TXNRD1: variants seen among roughly 807,000 people sequenced by gnomAD.
TXNRD1 encodes thioredoxin reductase 1, cytoplasmic.
In TXNRD1, 57 loss-of-function variants were observed where a neutral mutation model predicts 80.3. That is an observed-to-expected ratio of 0.71 (90% confidence interval 0.57 to 0.89). The LOEUF (loss-of-function observed/expected upper bound fraction) is 0.89, where lower values mean the gene tolerates loss of function less well. Among genes scored for constraint, TXNRD1 ranks in the 40% least tolerant of loss-of-function variants. TXNRD1 has a pLI of 0.00. For synonymous variants in TXNRD1, 291 were observed against 285.2 expected (o/e 1.02, Z -0.20); for missense variants, 730 against 803.0 (o/e 0.91, Z 1.10).
intron 1 of TXNRD1, among the ~76,000 whole-genome samples, chr12:104,248,369 C>T (rs959311600): frequency 6.6e-6 from 1 of 152,164 alleles, no homozygotes. Flanking sequence ...ACTGCAACCT[C>T]CACCTCCTGG....
chr12:104,288,793 T>A, intron 3 of TXNRD1, 138 bp from the exon 4 acceptor site: 1 of 1,574,354 alleles, frequency 6.4e-7, no homozygotes, highest in Non-Finnish European at 8.6e-7. Context: ...CAGCAAGTCA[T>A]GCTAACTTGC....
intron 2 of TXNRD1, among the ~76,000 whole-genome samples, chr12:104,256,034 T>C (rs532938219): frequency 1.9e-4 from 29 of 152,352 alleles, no homozygotes; most frequent in African/African-American, 6.5e-4. Flanking sequence ...ACAACTCATA[T>C]ACTTAGCTGT....
Position 104,327,578 on chromosome 12 carries a change from C to A in TXNRD1, c.1449C>A (p.Gly483=), listed in dbSNP as rs370716168. 32 of 1,613,152 alleles carry A rather than the reference C, an allele frequency of 2.0e-5. No homozygotes were observed. The highest frequency in any genetic ancestry group is 2.6e-5 in the Non-Finnish European group (31 of 1,179,736). The part of the protein sequence containing the change: ...QTNVPYIYAI[G]DILEDKVELT... ...ATGTGCCTTACATCTATGCCATTGG[C>A]GATATATTGGAGGATAAGGTGGAGC... is the stretch of plus-strand genomic sequence containing the variant. The change falls in exon 13 of 17, where the codon GGC becomes GGA. Residue 483 remains glycine, a synonymous_variant. Transcript: ENST00000525566.
At chr12:104,251,422 T>C in intron 1 of TXNRD1, 105 bp from the exon 2 acceptor site, 3 of 1,193,848 alleles carry the variant, frequency 2.5e-6, no homozygotes, top group Non-Finnish European at 3.6e-6. Flanking sequence ...TATTTTGGCC[T>C]GTGGGACTTA....
At position 104,321,083 on chromosome 12, in the gene TXNRD1, T is replaced by TTC. The variant is rs1555215976; in HGVS notation, c.990-8_990-7insTC. The TTC allele has an allele frequency of 4.7e-6, 7 of 1,504,560 alleles. No homozygotes were observed. The highest frequency in any genetic ancestry group is 1.8e-6 in the Non-Finnish European group (2 of 1,105,010). The allele number at this position is 1,504,560 out of a possible 1,614,324, so 93.2% of individuals were successfully genotyped here. A position where few individuals can be genotyped will look rare whatever the true frequency, so the allele number is the denominator to read the frequency against. On this transcript the variant is annotated splice_region_variant and splice_polypyrimidine_tract_variant and intron_variant, in intron 9 of 16. Coordinates refer to ENST00000525566, the MANE Select transcript of TXNRD1 (RefSeq NM_001093771.3). Reference sequence around the variant, plus strand: ...CTTCTTTCTTCCTTTTTTTTTTTTTTCCCCCAGTGATGATCTTTTCTCCTT... The same window carrying TTC: ...CTTCTTTCTTCCTTTTTTTTTTTTTTTCCCCCCAGTGATGATCTTTTCTCCTT...
intron 7 of TXNRD1, 88 bp from the exon 8 acceptor site, chr12:104,318,825 C>T: frequency 3.5e-6 from 5 of 1,435,180 alleles, no homozygotes; most frequent in South Asian, 1.4e-5. Context: ...AGCTCTGCTC[C>T]CTGTATTTCA....
At chr12:104,262,316 G>C (rs867153013) in intron 3 of TXNRD1, 2 of 149,696 alleles carry the variant, frequency 1.3e-5, no homozygotes, top group Non-Finnish European at 3.0e-5. Flanking sequence ...ACACAGTTTT[G>C]ATTTTGTGAG....
intron 1 of TXNRD1, among the ~76,000 whole-genome samples, chr12:104,237,088 A>C (rs535442317): frequency 6.6e-6 from 1 of 152,178 alleles, no homozygotes; most frequent in South Asian, 2.1e-4. Context: ...TGTTTTCCTC[A>C]TGAAACTCTC....
At chr12:104,304,413 C>T (rs757625409) in intron 4 of TXNRD1, 7 of 1,613,978 alleles carry the variant, frequency 4.3e-6, no homozygotes, top group Non-Finnish European at 5.1e-6. Context: ...GAAGCAACAT[C>T]CTGGATGGTA....
intron 4 of TXNRD1, among the ~76,000 whole-genome samples, chr12:104,308,097 G>A (rs1172757367): frequency 4.0e-5 from 6 of 151,656 alleles, no homozygotes; most frequent in African/African-American, 1.5e-4. Context: ...CCGGGTTCAC[G>A]CCATTCTCCT....
At chr12:104,338,697 CAA>C (rs879386846) in intron 15 of TXNRD1, among the ~76,000 whole-genome samples, 8 of 129,806 alleles carry the variant, frequency 6.2e-5, no homozygotes, top group Non-Finnish European at 1.2e-4. Flanking sequence ...TACTCCATCT[CAA>C]AAAAAAAAAA....
intron 3 of TXNRD1, chr12:104,288,717 C>T: frequency 1.4e-6 from 2 of 1,414,766 alleles, no homozygotes; most frequent in South Asian, 1.4e-5. Context: ...TGTTTTCAGC[C>T]AGTGTGCGGA....
At chr12:104,265,818 G>A (rs17041385) in intron 3 of TXNRD1, 1 of 1,490,698 alleles carries the variant, frequency 6.7e-7, no homozygotes, top group South Asian at 1.1e-5. Flanking sequence ...TCACCACCAA[G>A]AGGCCCAACA....
intron 4 of TXNRD1, among the ~76,000 whole-genome samples, chr12:104,297,918 T>G (rs1490415845): frequency 1.3e-5 from 2 of 152,214 alleles, no homozygotes; most frequent in African/African-American, 4.8e-5. Flanking sequence ...TCTCGTAACC[T>G]GAAAGGTTGT....
chr12:104,309,854 G>C, intron 4 of TXNRD1: 2 of 1,535,630 alleles, frequency 1.3e-6, no homozygotes, highest in South Asian at 2.4e-5. Context: ...TGTGCAGACT[G>C]TCAGAGTGGT....
chr12:104,293,411 G>A (rs2034297970), intron 4 of TXNRD1, among the ~76,000 whole-genome samples: 1 of 152,186 alleles, frequency 6.6e-6, no homozygotes, highest in Non-Finnish European at 1.5e-5. Context: ...GACAGTTGCG[G>A]TGGCCCCATG....
intron 1 of TXNRD1, among the ~76,000 whole-genome samples, chr12:104,249,275 G>A (rs538303760): frequency 1.3e-5 from 2 of 152,084 alleles, no homozygotes; most frequent in Admixed American, 6.6e-5. Flanking sequence ...TCATAACTGC[G>A]CTAATCCCAT....
chr12:104,303,655 T>TGTGGC (rs1271648894), intron 4 of TXNRD1: 23 of 427,858 alleles, frequency 5.4e-5, no homozygotes, highest in Non-Finnish European at 8.2e-5. Flanking sequence ...CGCCTCGGCT[T>TGTGGC]GTGGCTGGGC....
rs74263333 is a variant in TXNRD1 at position 104,302,384 on chromosome 12, C to CT, written c.415-8895dup. On this transcript the variant is annotated intron_variant, in intron 4 of 16. Coordinates refer to ENST00000525566, the MANE Select transcript of TXNRD1 (RefSeq NM_001093771.3). ...ATTGGACAGGTGCAATTGTGGGTGTCTTTTTTTTTTTAAGGTGTACCTGTT... is the reference window on the plus strand; with the variant it reads ...ATTGGACAGGTGCAATTGTGGGTGTCTTTTTTTTTTTTAAGGTGTACCTGTT... Among the ~76,000 whole-genome samples, 743 of 122,334 alleles carry CT rather than the reference C, an allele frequency of 6.1e-3. 3 individuals carry two copies. Among genetic ancestry groups the CT allele is most frequent in the African/African-American group, 0.019 (617 of 32,232 alleles). The allele number at this position is 122,334 out of a possible 152,430, so 80.3% of individuals were successfully genotyped here.
Sources: allele counts gnomAD v4.1 joint callset (sites outside exome capture counted in the v4.1 genomes callset), GRCh38; gene constraint gnomAD v4.1.1; transcripts MANE v1.5; gene names NCBI Gene and HGNC (gene_info 2026-07-23, HGNC 2026-07-21).